Variants in SYT14 observed in about 807,000 individuals in gnomAD.
SYT14 encodes the protein synaptotagmin-14.
Under a neutral mutation model 74.2 loss-of-function variants are expected in SYT14, and 32 were observed. That is an observed-to-expected ratio of 0.43 (90% confidence interval 0.33 to 0.58). SYT14 has a LOEUF of 0.58. Ranked by LOEUF, SYT14 falls within the 20% of genes least tolerant of loss-of-function variation. The pLI is 0.05. For missense variants in SYT14, 791 were observed against 981.8 expected, an observed-to-expected ratio of 0.81 and a Z score of 2.60; for synonymous variants, 298 against 337.7, an observed-to-expected ratio of 0.88 and a Z score of 1.29.
At chr1:210,071,771 A>T (rs985975492) in intron 5 of SYT14, among the ~76,000 whole-genome samples, 1 of 151,718 alleles carries the variant, frequency 6.6e-6, no homozygotes, top group Non-Finnish European at 1.5e-5. Context: ...AATCCGAATA[A>T]TTTTACTGAT....
chr1:209,965,298 GAGA>G (rs1159887158), intron 2 of SYT14, among the ~76,000 whole-genome samples: 2 of 152,100 alleles, frequency 1.3e-5, no homozygotes, highest in African/African-American at 2.4e-5. Context: ...TGTACTCAGT[GAGA>G]AGAAGTGATG....
chr1:210,001,842 A>T (rs888377942), intron 2 of SYT14, among the ~76,000 whole-genome samples: 1 of 152,182 alleles, frequency 6.6e-6, no homozygotes, highest in Admixed American at 6.5e-5. Context: ...AACCTGGCTA[A>T]TATGTGAGAA....
intron 5 of SYT14, among the ~76,000 whole-genome samples, chr1:210,049,608 A>G (rs1572213535): frequency 6.6e-6 from 1 of 151,890 alleles, no homozygotes; most frequent in East Asian, 1.9e-4. Context: ...GACAGGCCCC[A>G]GTGTGTGATG....
intron 2 of SYT14, among the ~76,000 whole-genome samples, chr1:210,004,758 A>G (rs2079960362): frequency 6.6e-6 from 1 of 152,062 alleles, no homozygotes; most frequent in Admixed American, 6.6e-5. Context: ...CAGCAAATCT[A>G]TCAGCAGCTG....
chr1:209,972,945 G>T (rs73068419), intron 2 of SYT14, among the ~76,000 whole-genome samples: 21,261 of 152,140 alleles, frequency 0.14, 4,639 homozygotes, highest in African/African-American at 0.47. Context: ...TGTCAGTGGG[G>T]TATCGAAGTC....
intron 8 of SYT14, chr1:210,156,760 C>A (rs892791048): frequency 3.1e-4 from 46 of 146,646 alleles, no homozygotes; most frequent in African/African-American, 1.1e-3. Flanking sequence ...ATAGCATGAT[C>A]TCGGCTCACT....
chr1:210,159,309 T>A, intron 8 of SYT14, 112 bp from the exon 8 acceptor site: 1 of 1,031,868 alleles, frequency 9.7e-7, no homozygotes, highest in South Asian at 1.4e-5. Flanking sequence ...TTTGTGTTCT[T>A]CCACTCCAGT....
chr1:210,027,923 C>G (rs914232300), intron 5 of SYT14, among the ~76,000 whole-genome samples: 5 of 152,144 alleles, frequency 3.3e-5, no homozygotes, highest in African/African-American at 1.2e-4. Flanking sequence ...CACAAAACAT[C>G]ACTTTAATAA....
chr1:210,159,172 G>A (rs1336004773), intron 8 of SYT14, among the ~76,000 whole-genome samples: 1 of 144,584 alleles, frequency 6.9e-6, no homozygotes. Flanking sequence ...TCATTAAAAA[G>A]ATGTCCCCCT....
intron 7 of SYT14, among the ~76,000 whole-genome samples, chr1:210,153,305 T>G (rs1039523779): frequency 9.2e-5 from 14 of 152,160 alleles, no homozygotes; most frequent in African/African-American, 3.1e-4. Flanking sequence ...TTCATTTCCA[T>G]TCCCCTGATT....
chr1:210,161,071 A>C (rs565683534), exon 10 of SYT14: 1 of 1,607,710 alleles, frequency 6.2e-7, no homozygotes, highest in Admixed American at 1.7e-5. Flanking sequence ...AGTTACCATC[A>C]AAGGCAGCAT....
intron 4 of SYT14, among the ~76,000 whole-genome samples, chr1:210,019,556 G>GCCACAAT (rs1448266094): frequency 6.6e-6 from 1 of 152,116 alleles, no homozygotes; most frequent in Non-Finnish European, 1.5e-5. Flanking sequence ...GGCAAGCACT[G>GCCACAAT]CCACAATATA....
At chr1:210,076,894 G>A (rs1037203002) in intron 5 of SYT14, among the ~76,000 whole-genome samples, 1 of 152,096 alleles carries the variant, frequency 6.6e-6, no homozygotes, top group Non-Finnish European at 1.5e-5. Flanking sequence ...TCCAACAATG[G>A]GGATTACAAT....
chr1:210,078,544 T>TC (rs1461200413), intron 5 of SYT14, among the ~76,000 whole-genome samples: 1 of 151,996 alleles, frequency 6.6e-6, no homozygotes, highest in Non-Finnish European at 1.5e-5. Context: ...ATGACTCTTT[T>TC]CCCCCCATAA....
intron 5 of SYT14, among the ~76,000 whole-genome samples, chr1:210,088,301 C>A (rs890646728): frequency 6.6e-6 from 1 of 151,588 alleles, no homozygotes; most frequent in Non-Finnish European, 1.5e-5. Flanking sequence ...CTGCACTGAT[C>A]AACCGGTCAT....
At chr1:210,163,399 C>CA in exon 10 of SYT14, 1 of 453,706 alleles carries the variant, frequency 2.2e-6, no homozygotes, top group Non-Finnish European at 4.4e-6. Flanking sequence ...ACCCTACCTC[C>CA]ACCCCAGCTG....
chr1:209,940,939 G>GT (rs1367715043), intron 1 of SYT14, among the ~76,000 whole-genome samples: 2 of 152,222 alleles, frequency 1.3e-5, no homozygotes, highest in East Asian at 1.9e-4. Flanking sequence ...ATTAGAATAG[G>GT]TTTTTTTGGA....
intron 2 of SYT14, among the ~76,000 whole-genome samples, chr1:209,965,645 A>G (rs1200130224): frequency 6.6e-6 from 1 of 152,198 alleles, no homozygotes; most frequent in Non-Finnish European, 1.5e-5. Flanking sequence ...ACTGCTTTCC[A>G]CAGGGACTGA....
chr1:210,159,824 G>A (rs1363907288), intron 9 of SYT14, among the ~76,000 whole-genome samples: 4 of 152,052 alleles, frequency 2.6e-5, no homozygotes, highest in African/African-American at 9.7e-5. Context: ...GGATCAACAT[G>A]CTGAAGATCA....
Sources: gnomAD v4.1 joint callset for allele counts (sites outside exome capture counted in the v4.1 genomes callset) on GRCh38, gnomAD v4.1.1 for gene constraint, MANE v1.5 for transcripts, NCBI Gene and HGNC (gene_info 2026-07-23, HGNC 2026-07-21) for gene names.